The following SCN3A variants were observed in gnomAD, a reference collection of about 807,000 sequenced individuals.
SCN3A encodes sodium voltage-gated channel alpha subunit 3.
A neutral mutation model predicts 187.6 loss-of-function variants in SCN3A; 60 were observed. That is an observed-to-expected ratio of 0.32 (90% confidence interval 0.26 to 0.40). SCN3A has a LOEUF of 0.40. Ranked by LOEUF, SCN3A falls within the 10% of genes least tolerant of loss-of-function variation. SCN3A has a pLI of 1.00. For missense variants in SCN3A, 1,601 were observed against 2,428.2 expected, an observed-to-expected ratio of 0.66 and a Z score of 7.16; for synonymous variants, 788 against 829.2, an observed-to-expected ratio of 0.95 and a Z score of 0.85.
Position 165,159,872 on chromosome 2 carries a change from C to T in SCN3A, c.1031+2436G>A, listed in dbSNP as rs1305359268. ...TTAAAACTCATCACCTGGCTCACTC[C>T]TGTAATCCCAGCACTTTGGGAGGCC... On this transcript the variant is annotated intron_variant, in intron 9 of 27. Coordinates refer to ENST00000283254, the MANE Select transcript of SCN3A (RefSeq NM_006922.4). Among the ~76,000 whole-genome samples, 2 of 136,648 alleles carry T rather than the reference C, an allele frequency of 1.5e-5. 1 individual carries two copies. Among genetic ancestry groups the T allele is most frequent in the Non-Finnish European group, 3.0e-5 (2 of 66,518 alleles). 89.6% of individuals were successfully genotyped at this position (136,648 alleles called of 152,430 possible).
Position 165,150,212 on chromosome 2 carries a change from C to A in SCN3A, c.1381-3183G>T, listed in dbSNP as rs1239284316. 5.9e-5 allele frequency among the ~76,000 whole-genome samples: 9 copies of A among 152,164 alleles called. No individual in the cohort carries two copies. In the East Asian group the frequency reaches 1.7e-3, roughly 29 times the overall value. ...GGTTTGTGTTTCTCCACATTATTTT[C>A]TCATGCCTACACCGTGACTAGCCCT... is the stretch of plus-strand genomic sequence containing the variant. On this transcript the variant is annotated intron_variant, in intron 11 of 27. Transcript: ENST00000283254.
At position 165,090,188 on chromosome 2, in the gene SCN3A, C is replaced by T. The variant is rs769926645; in HGVS notation, c.5965G>A (p.Glu1989Lys). Residue 1989 changes from glutamate (E) to lysine (K), a missense_variant, in exon 28 of 28, where the codon GAA becomes AAA. Around this residue, in one of 11 missense-constraint regions of SCN3A, gnomAD observed 87 missense variants for 89.2 expected, o/e 0.98. Coordinates refer to ENST00000283254, the MANE Select transcript of SCN3A (RefSeq NM_006922.4). This position sits in a 1 kb window ranked among gnomAD's most constrained non-coding sequence, Gnocchi z 4.0. ...EKFEKDKPEK[E>K]SKGKEVRENQ... is the part of the protein sequence containing the mutation. The stretch of plus-strand genomic sequence containing the variant: ...TCTCTGACCTCTTTTCCTTTGCTTT[C>T]TTTTTCTGGTTTGTCTTTCTCAAAC... The T allele has an allele frequency of 1.1e-5, 17 of 1,598,382 alleles. No individual in the cohort carries two copies. Among genetic ancestry groups the T allele is most frequent in the Non-Finnish European group, 1.4e-5 (16 of 1,169,570 alleles).
At position 165,088,447 on chromosome 2, in the gene SCN3A, G is replaced by T. The variant is rs1182090496; in HGVS notation, c.*1703C>A. On this transcript the variant is annotated 3_prime_UTR_variant, in exon 28 of 28. Transcript: ENST00000283254. The stretch of plus-strand genomic sequence containing the variant: ...TGCATACGTAAATACTACAAAAGTT[G>T]AATAAAAAAAAACATCTATGAATAA... 6.6e-6 allele frequency: 1 copy of T among 151,874 alleles called. No homozygotes were observed. The highest frequency in any genetic ancestry group is 1.5e-5 in the Non-Finnish European group (1 of 67,818). 9.4% of individuals were successfully genotyped at this position (151,874 alleles called of 1,614,324 possible).
chr2:165,187,471 T>C (rs1417692352), intron 1 of SCN3A, among the ~76,000 whole-genome samples: 1 of 152,238 alleles, frequency 6.6e-6, no homozygotes, highest in Non-Finnish European at 1.5e-5. Flanking sequence ...CTGCAATTCA[T>C]TTATACAATG....
intron 11 of SCN3A, among the ~76,000 whole-genome samples, chr2:165,150,145 A>G (rs1688608912): frequency 6.6e-6 from 1 of 152,204 alleles, no homozygotes; most frequent in Admixed American, 6.5e-5. Flanking sequence ...AATGTCAAAC[A>G]CAATTAGAAT....
intron 3 of SCN3A, among the ~76,000 whole-genome samples, chr2:165,174,731 C>A (rs1211400279): frequency 6.6e-6 from 1 of 152,118 alleles, no homozygotes; most frequent in African/African-American, 2.4e-5. Context: ...TTATTGTAAT[C>A]ATCATAACTA....
rs867552658 is a variant in SCN3A at position 165,131,282 on chromosome 2, T to C, written c.2527A>G (p.Asn843Asp). The change falls in exon 16 of 28, where the codon AAT (asparagine) becomes GAT (aspartate). Residue 843 changes from asparagine to aspartate, a missense_variant. This residue lies in a region of SCN3A where 91 missense variants were observed against 207.0 expected (regional missense o/e 0.44). Transcript: ENST00000283254. ...SLSLMELGLS[N>D]VEGLSVLRSF... is the part of the protein sequence containing the mutation. ...CGCAGTACAGACAATCCCTCCACAT[T>C]TGACAGACCAAGCTCCATTAAACTG... 6.2e-7 allele frequency: 1 copy of C among 1,601,040 alleles called. No homozygotes were observed.
intron 18 of SCN3A, among the ~76,000 whole-genome samples, chr2:165,126,533 A>G (rs1360236075): frequency 1.4e-5 from 1 of 71,580 alleles, no homozygotes; most frequent in Non-Finnish European, 3.0e-5. Context: ...TTTTTTCTTT[A>G]TTTCCTTCTT....
chr2:165,094,055 T>A (rs1337781063), intron 26 of SCN3A: 2 of 347,626 alleles, frequency 5.8e-6, no homozygotes, highest in East Asian at 6.3e-5. Context: ...CCTTGGAGAG[T>A]GGGATGGGAA....
intron 15 of SCN3A, among the ~76,000 whole-genome samples, chr2:165,131,856 G>GT (rs1216471793): frequency 1.3e-5 from 2 of 150,004 alleles, no homozygotes; most frequent in Non-Finnish European, 3.0e-5. Context: ...GTGGTGTTTG[G>GT]TTTTTTGTCT....
intron 3 of SCN3A, among the ~76,000 whole-genome samples, chr2:165,171,245 T>G (rs1413201896): frequency 6.6e-6 from 1 of 151,856 alleles, no homozygotes; most frequent in African/African-American, 2.4e-5. Flanking sequence ...CCCACTAGAG[T>G]CATCTTTGCT....
chr2:165,152,645 C>T (rs1489645654), intron 11 of SCN3A, among the ~76,000 whole-genome samples: 2 of 152,072 alleles, frequency 1.3e-5, no homozygotes, highest in Non-Finnish European at 2.9e-5. Context: ...GAGGAATCGC[C>T]ACACTGTCTT....
At chr2:165,103,989 A>G (rs1279863295) in intron 21 of SCN3A, among the ~76,000 whole-genome samples, 1 of 152,104 alleles carries the variant, frequency 6.6e-6, no homozygotes, top group Non-Finnish European at 1.5e-5. Context: ...AAGTGGGAGA[A>G]ATCATTGTTT....
intron 12 of SCN3A, among the ~76,000 whole-genome samples, chr2:165,144,472 C>T (rs1405103537): frequency 2.0e-5 from 3 of 152,124 alleles, no homozygotes; most frequent in Non-Finnish European, 4.4e-5. Flanking sequence ...CACTCAGCTC[C>T]AGCAAACCAA....
Position 165,137,940 on chromosome 2 carries a change from A to T in SCN3A, c.2330T>A (p.Met777Lys). The change falls in exon 15 of 28, where the codon ATG (methionine) becomes AAG (lysine). Residue 777 changes from methionine (M) to lysine (K), a missense_variant. Physicochemically the swap from Met to Lys is moderately conservative, Grantham distance 95. Around this residue, in one of 11 missense-constraint regions of SCN3A, gnomAD observed 376 missense variants for 476.0 expected, o/e 0.79. Transcript: ENST00000283254. ...TICIVLNTLFMAMEHYPMTEQ... is the reference protein window; with the variant it reads ...TICIVLNTLFKAMEHYPMTEQ... ...AGTCATGGGGTAGTGCTCCATGGCC[A>T]TAAAGAGGGTATTTAAGACAATGCA... 6.2e-7 allele frequency: 1 copy of T among 1,613,520 alleles called. No individual in the cohort carries two copies. The highest frequency in any genetic ancestry group is 8.5e-7 in the Non-Finnish European group (1 of 1,179,524).
chr2:165,095,036 G>C (rs1685298488), intron 25 of SCN3A, among the ~76,000 whole-genome samples: 1 of 152,024 alleles, frequency 6.6e-6, no homozygotes, highest in African/African-American at 2.4e-5. Flanking sequence ...CTTAAAAGAT[G>C]ATTATGGGTT....
rs775397194 is a variant in SCN3A at position 165,162,710 on chromosome 2, G to T, written c.813C>A (p.Gly271=). Residue 271 remains glycine, a synonymous_variant, in exon 8 of 28, where the codon GGC becomes GGA. Coordinates refer to ENST00000283254, the MANE Select transcript of SCN3A (RefSeq NM_006922.4). ...ACTGCAAACATTTATTCCTCAGATTGCCCATGAACAGCTGCAGCCCAATGA... is the reference window on the plus strand; with the variant it reads ...ACTGCAAACATTTATTCCTCAGATTTCCCATGAACAGCTGCAGCCCAATGA... ...FALIGLQLFM[G]NLRNKCLQWP... The T allele has an allele frequency of 6.2e-7, 1 of 1,614,114 alleles. No homozygotes were observed. The highest frequency in any genetic ancestry group is 1.1e-5 in the South Asian group (1 of 91,082).
At chr2:165,103,296 T>C (rs1470695513) in intron 21 of SCN3A, among the ~76,000 whole-genome samples, 3 of 152,202 alleles carry the variant, frequency 2.0e-5, no homozygotes, top group Non-Finnish European at 2.9e-5. Context: ...TGTCTCAGAA[T>C]AGTGAAATGA....
rs1247306420 is a variant in SCN3A, at chr2:165,162,542, G to T, written c.967+14C>A. The T allele has an allele frequency of 6.2e-7, 1 of 1,613,780 alleles. No homozygotes were observed. Among genetic ancestry groups the T allele is most frequent in the Admixed American group, 1.7e-5 (1 of 60,010 alleles). On this transcript the variant is annotated intron_variant, in intron 8 of 27. Coordinates refer to ENST00000283254, the MANE Select transcript of SCN3A (RefSeq NM_006922.4). The stretch of plus-strand genomic sequence containing the variant: ...TCAGCAACACTAAGGTTAACATAAT[G>T]TAATACTTCTTACTGTCATCTCCAA...
Sources: allele counts gnomAD v4.1 joint callset (sites outside exome capture counted in the v4.1 genomes callset), GRCh38; gene constraint gnomAD v4.1.1; regional missense constraint gnomAD v4.1.1; non-coding constraint Gnocchi (gnomAD v3.1); transcripts MANE v1.5; gene names NCBI Gene and HGNC (gene_info 2026-07-23, HGNC 2026-07-21).